The following DPYD variants were observed in gnomAD, a reference collection of about 807,000 sequenced individuals.
DPYD encodes the protein dihydropyrimidine dehydrogenase [NADP(+)].
DPYD carries 109 observed loss-of-function variants against 116.2 expected under a neutral mutation model. The observed-to-expected ratio is 0.94, with a 90% CI of 0.80 to 1.10. The LOEUF (loss-of-function observed/expected upper bound fraction) is 1.10, where lower values mean the gene tolerates loss of function less well. Among genes scored for constraint, DPYD ranks in the 50% least tolerant of loss-of-function variants. The pLI is 0.00. For synonymous variants in DPYD, 440 were observed against 432.0 expected, an observed-to-expected ratio of 1.02 and a Z score of -0.23; for missense variants, 1,302 against 1,254.5, an observed-to-expected ratio of 1.04 and a Z score of -0.57.
chr1:97,660,441 T>C (rs528283580), intron 8 of DPYD, among the ~76,000 whole-genome samples: 1 of 152,162 alleles, frequency 6.6e-6, no homozygotes, highest in Non-Finnish European at 1.5e-5. Context: ...GCTTTATTTA[T>C]TCTTTGCTTC....
At chr1:97,699,210 A>C in intron 6 of DPYD, 141 bp downstream of exon 6, 3 of 957,674 alleles carry the variant, frequency 3.1e-6, no homozygotes, top group Non-Finnish European at 4.6e-6. Context: ...ATGTAATCAA[A>C]ACTTGAACAT....
chr1:97,460,205 A>G (rs1676942336), intron 13 of DPYD, among the ~76,000 whole-genome samples: 1 of 152,206 alleles, frequency 6.6e-6, no homozygotes, highest in South Asian at 2.1e-4. Flanking sequence ...CTAAGATTGT[A>G]TGTTTTGCCT....
chr1:97,405,136 G>A (rs950733519), intron 14 of DPYD, among the ~76,000 whole-genome samples: 1 of 151,228 alleles, frequency 6.6e-6, no homozygotes, highest in Non-Finnish European at 1.5e-5. Flanking sequence ...TTATATATAG[G>A]TATACATAAG....
At chr1:97,243,490 T>C (rs1662515012) in intron 18 of DPYD, among the ~76,000 whole-genome samples, 1 of 151,880 alleles carries the variant, frequency 6.6e-6, no homozygotes, top group Non-Finnish European at 1.5e-5. Context: ...TTAGAAAGTA[T>C]GGGTCCAGTA....
intron 6 of DPYD, among the ~76,000 whole-genome samples, chr1:97,695,424 C>G (rs925780354): frequency 6.7e-6 from 1 of 148,544 alleles, no homozygotes; most frequent in African/African-American, 2.5e-5. Context: ...TAAAAACTTC[C>G]TCCTTGCATT....
chr1:97,164,707 A>C (rs1000659847), intron 20 of DPYD, among the ~76,000 whole-genome samples: 2 of 152,148 alleles, frequency 1.3e-5, no homozygotes, highest in African/African-American at 4.8e-5. Flanking sequence ...ATACCTAGGA[A>C]TAGCTAACCA....
chr1:97,263,772 CCTT>C (rs2100859885), intron 18 of DPYD, among the ~76,000 whole-genome samples: 1 of 152,198 alleles, frequency 6.6e-6, no homozygotes, highest in South Asian at 2.1e-4. Context: ...TCTACATTCT[CCTT>C]TTCACTGAAC....
At chr1:97,225,908 G>A (rs75993802) in intron 19 of DPYD, among the ~76,000 whole-genome samples, 3 of 151,730 alleles carry the variant, frequency 2.0e-5, no homozygotes, top group Admixed American at 6.6e-5. Flanking sequence ...CCAGTATTAC[G>A]CTGAAGCCAA....
intron 2 of DPYD, among the ~76,000 whole-genome samples, chr1:97,861,126 C>CATATTT (rs1671092319): frequency 6.6e-6 from 1 of 151,642 alleles, no homozygotes; most frequent in Admixed American, 6.6e-5. Flanking sequence ...CAAAATACAC[C>CATATTT]GCAAAAAATA....
At chr1:97,596,826 C>T (rs1180191317) in intron 8 of DPYD, among the ~76,000 whole-genome samples, 2 of 152,170 alleles carry the variant, frequency 1.3e-5, no homozygotes, top group Admixed American at 6.5e-5. Context: ...CCTGAATCTC[C>T]TTTTCCATAG....
At chr1:97,455,773 A>T (rs1676648526) in intron 13 of DPYD, among the ~76,000 whole-genome samples, 1 of 151,940 alleles carries the variant, frequency 6.6e-6, no homozygotes, top group Non-Finnish European at 1.5e-5. Context: ...TAAACTTTAT[A>T]ATGGTCAGAA....
intron 2 of DPYD, among the ~76,000 whole-genome samples, chr1:97,848,818 T>C (rs1670435338): frequency 6.6e-6 from 1 of 152,332 alleles, no homozygotes; most frequent in Non-Finnish European, 1.5e-5. Flanking sequence ...AAGAAAGGTT[T>C]CGGGATTTTT....
At chr1:97,470,903 T>C (rs1324776927) in intron 13 of DPYD, among the ~76,000 whole-genome samples, 1 of 151,906 alleles carries the variant, frequency 6.6e-6, no homozygotes, top group African/African-American at 2.4e-5. Context: ...GGCAGGAGAA[T>C]AGCTTGAACC....
At chr1:97,910,195 T>TA (rs1490709713) in intron 1 of DPYD, among the ~76,000 whole-genome samples, 1 of 152,116 alleles carries the variant, frequency 6.6e-6, no homozygotes, top group Non-Finnish European at 1.5e-5. Flanking sequence ...AAATTTTTTT[T>TA]ACTATTGTTC....
At chr1:97,444,569 T>C (rs1273877908) in intron 14 of DPYD, among the ~76,000 whole-genome samples, 2 of 152,128 alleles carry the variant, frequency 1.3e-5, no homozygotes, top group East Asian at 1.9e-4. Flanking sequence ...TGATGAACTT[T>C]ACAAAAAATA....
chr1:97,899,521 T>C (rs1429861368), intron 1 of DPYD, among the ~76,000 whole-genome samples: 1 of 151,866 alleles, frequency 6.6e-6, no homozygotes, highest in Non-Finnish European at 1.5e-5. Flanking sequence ...AGGGTATTTA[T>C]AGTAAATCAA....
At chr1:97,483,431 T>TTATAAGTGGAAGCTGAACA (rs1330706758) in intron 13 of DPYD, among the ~76,000 whole-genome samples, 1 of 152,100 alleles carries the variant, frequency 6.6e-6, no homozygotes, top group Non-Finnish European at 1.5e-5. Context: ...ATAGTATTAC[T>TTATAAGTGGAAGCTGAACA]TATAAGTGGA....
intron 20 of DPYD, among the ~76,000 whole-genome samples, chr1:97,158,482 CA>C (rs1655656002): frequency 1.9e-5 from 2 of 107,104 alleles, no homozygotes; most frequent in African/African-American, 7.2e-5. Context: ...GACACACACA[CA>C]CACACACACA....
chr1:97,864,296 G>C (rs1671263887), intron 2 of DPYD, among the ~76,000 whole-genome samples: 2 of 151,912 alleles, frequency 1.3e-5, no homozygotes, highest in Admixed American at 1.3e-4. Flanking sequence ...CTATATTAGA[G>C]GGAGGCTCAG....
Sources: allele counts gnomAD v4.1 joint callset (sites outside exome capture counted in the v4.1 genomes callset), GRCh38; gene constraint gnomAD v4.1.1; transcripts MANE v1.5; gene names NCBI Gene and HGNC (gene_info 2026-07-23, HGNC 2026-07-21).